Variants in KNTC1 observed in about 807,000 individuals in gnomAD.
KNTC1 encodes the protein kinetochore associated 1.
Under a neutral mutation model 314.4 loss-of-function variants are expected in KNTC1, and 253 were observed. The ratio of observed to expected loss-of-function variants is 0.80; its 90% CI spans 0.73 to 0.89. KNTC1 has a LOEUF of 0.89. Among genes scored for constraint, KNTC1 ranks in the 40% least tolerant of loss-of-function variants. The probability of loss-of-function intolerance (pLI) is 0.00; values close to 1 mark genes in which losing one functional copy is unlikely to be tolerated. For synonymous variants in KNTC1, 901 were observed against 901.4 expected, an observed-to-expected ratio of 1.00 and a Z score of 0.01; for missense variants, 2,475 against 2,572.9, an observed-to-expected ratio of 0.96 and a Z score of 0.82.
rs60404988 is a variant in KNTC1 at position 122,554,076 on chromosome 12, A to AATATATATATATATATATAT, written c.1272+2385_1272+2404dup. ...CAGAATACTTCCTTAAAAAAAAAAA[A>AATATATATATATATATATAT]ATATATATATATATATATATATATT... On this transcript the variant is annotated intron_variant, in intron 16 of 63. Transcript: ENST00000333479. 1.4e-3 allele frequency among the ~76,000 whole-genome samples: 155 copies of AATATATATATATATATATAT among 108,988 alleles called. 1 individual carries two copies. Among genetic ancestry groups the AATATATATATATATATATAT allele is most frequent in the African/African-American group, 5.7e-3 (146 of 25,652 alleles). 71.5% of individuals were successfully genotyped at this position (108,988 alleles called of 152,430 possible).
At position 122,547,969 on chromosome 12, in the gene KNTC1, G is replaced by T. The variant is rs769747766; in HGVS notation, c.987G>T (p.Lys329Asn). ...CTCTGACAGCTTCAGCTAATAAGAA[G>T]GTATTGGAAAATTTTATTTTGTGCT... is the stretch of plus-strand genomic sequence containing the variant. ...LIALTASANK[K>N]MKNLMVYSLP... is the part of the protein sequence containing the mutation. The change falls in exon 12 of 64, where the codon AAG (lysine) becomes AAT (asparagine). Residue 329 changes from lysine (K) to asparagine (N), a missense_variant and splice_region_variant. Coordinates refer to ENST00000333479, the MANE Select transcript of KNTC1 (RefSeq NM_014708.6). 8.4e-6 allele frequency: 13 copies of T among 1,539,072 alleles called. No individual in the cohort carries two copies. The highest frequency in any genetic ancestry group is 1.1e-5 in the Non-Finnish European group (13 of 1,145,322).
chr12:122,589,776 ATTTTTTTTTT>A (rs375169727), intron 40 of KNTC1, among the ~76,000 whole-genome samples: 7 of 94,590 alleles, frequency 7.4e-5, no homozygotes, highest in East Asian at 6.4e-4. Context: ...GGGCCCCCCA[ATTTTTTTTTT>A]TTTTTTTTTT....
intron 43 of KNTC1, 65 bp downstream of exon 43, chr12:122,594,450 C>G: frequency 1.1e-6 from 1 of 896,354 alleles, no homozygotes; most frequent in African/African-American, 1.7e-5. Context: ...TGCAAGAACA[C>G]AGTAATAACG....
chr12:122,541,967 A>T, intron 5 of KNTC1, 83 bp from the exon 6 acceptor site: 1 of 1,347,304 alleles, frequency 7.4e-7, no homozygotes, highest in Non-Finnish European at 9.8e-7. Flanking sequence ...GGGAGCCGAG[A>T]TCGCGCTGCT....
At chr12:122,598,173 A>G (rs1272481100) in intron 44 of KNTC1, among the ~76,000 whole-genome samples, 1 of 152,182 alleles carries the variant, frequency 6.6e-6, no homozygotes, top group Non-Finnish European at 1.5e-5. Context: ...CTTTGAATTT[A>G]TATGAGCTAG....
Position 122,529,997 on chromosome 12 carries a change from T to C in KNTC1, c.-67T>C, listed in dbSNP as rs1395671623. On this transcript the variant is annotated 5_prime_UTR_variant, in exon 2 of 64. It removes an upstream start codon present in the reference 5' UTR. Coordinates refer to ENST00000333479, the MANE Select transcript of KNTC1 (RefSeq NM_014708.6). ...CCAGGTTCTATGCAACAAGATAATA[T>C]GGTGTCTAATTTTATGTTGTTCAGG... 1 of 1,542,096 alleles carries C rather than the reference T, an allele frequency of 6.5e-7. No individual in the cohort carries two copies. The highest frequency in any genetic ancestry group is 8.8e-7 in the Non-Finnish European group (1 of 1,134,294).
In KNTC1 at chr12:122,579,943, G is replaced by A. The variant is rs1965294982; in HGVS notation, c.2880G>A (p.Val960=). The change falls in exon 32 of 64, where the codon GTG becomes GTA. Residue 960 remains valine (V), a synonymous_variant. Transcript: ENST00000333479. ...GAATGTCTGTAGCGAAGACATCCGTGGACATTCTTAAGATACTATGTGACA... is the reference window on the plus strand; with the variant it reads ...GAATGTCTGTAGCGAAGACATCCGTAGACATTCTTAAGATACTATGTGACA... ...AWRMSVAKTS[V]DILKILCDIQ... The A allele has an allele frequency of 6.2e-7, 1 of 1,610,720 alleles. No individual in the cohort carries two copies. The highest frequency in any genetic ancestry group is 8.5e-7 in the Non-Finnish European group (1 of 1,177,338).
chr12:122,557,601 A>G lies in KNTC1; in HGVS notation c.1400A>G (p.Asp467Gly). 1.9e-6 allele frequency: 3 copies of G among 1,613,146 alleles called. No homozygotes were observed. Among genetic ancestry groups the G allele is most frequent in the South Asian group, 1.1e-5 (1 of 90,932 alleles). Residue 467 changes from aspartate to glycine, a missense_variant and splice_region_variant, in exon 18 of 64, where the codon GAT becomes GGT. Asp to Gly is a moderately conservative substitution (Grantham distance 94, BLOSUM62 -1). Coordinates refer to ENST00000333479, the MANE Select transcript of KNTC1 (RefSeq NM_014708.6). The part of the protein sequence containing the change: ...DAKENLHKIQ[D>G]DEFVVNYCLK... ...CTGTGTCTGGCATTTGTGAAACAGG[A>G]TGATGAATTTGTGGTGAATTACTGC...
At chr12:122,542,950 T>A (rs1962460236) in intron 6 of KNTC1, among the ~76,000 whole-genome samples, 1 of 152,178 alleles carries the variant, frequency 6.6e-6, no homozygotes, top group Non-Finnish European at 1.5e-5. Context: ...TCTTGCTCTG[T>A]CGCCCAGGCT....
chr12:122,610,686 A>G (rs532819239), intron 52 of KNTC1, 136 bp from the exon 53 acceptor site: 1 of 609,540 alleles, frequency 1.6e-6, no homozygotes, highest in East Asian at 2.8e-5. Context: ...GGAAGCGCAA[A>G]TGTCATTGAC....
intron 1 of KNTC1, among the ~76,000 whole-genome samples, chr12:122,528,560 G>A (rs1325726209): frequency 6.6e-6 from 1 of 152,154 alleles, no homozygotes; most frequent in East Asian, 1.9e-4. Context: ...AAAACCAGAA[G>A]TGAAAAATAG....
intron 1 of KNTC1, among the ~76,000 whole-genome samples, chr12:122,529,072 G>C (rs1961089864): frequency 6.6e-6 from 1 of 152,102 alleles, no homozygotes; most frequent in Non-Finnish European, 1.5e-5. Flanking sequence ...TCAAACTCCT[G>C]ACCTCAGATA....
chr12:122,559,153 T>C (rs76663592), intron 18 of KNTC1, among the ~76,000 whole-genome samples: 20,964 of 151,834 alleles, frequency 0.14, 1,825 homozygotes, highest in African/African-American at 0.24. Context: ...TCGAGACCAT[T>C]GTGACGAACA....
At chr12:122,583,357 T>A (rs753258823) in intron 34 of KNTC1, among the ~76,000 whole-genome samples, 1 of 152,190 alleles carries the variant, frequency 6.6e-6, no homozygotes, top group Non-Finnish European at 1.5e-5. Context: ...CCAGTGACAC[T>A]CTTTTTTCAC....
chr12:122,541,279 G>GCCTT (rs1250793495), intron 5 of KNTC1, among the ~76,000 whole-genome samples: 3 of 102,430 alleles, frequency 2.9e-5, no homozygotes, highest in East Asian at 3.9e-4. Context: ...CTGCCTGCCT[G>GCCTT]CCTGCCTGCC....
rs1324485241 is a variant in KNTC1 at position 122,587,781 on chromosome 12, G to A, written c.3801G>A (p.Gln1267=). 2 of 1,613,672 alleles carry A rather than the reference G, an allele frequency of 1.2e-6. No individual in the cohort carries two copies. The highest frequency in any genetic ancestry group is 1.7e-6 in the Non-Finnish European group (2 of 1,179,758). The change falls in exon 39 of 64, where the codon CAG becomes CAA. Residue 1267 remains glutamine (Q), a synonymous_variant. Coordinates refer to ENST00000333479, the MANE Select transcript of KNTC1 (RefSeq NM_014708.6). ...TTCAGAATCTTCAGGAATCTAGCCA[G>A]TGGGAGCTAGCCCTAAGATTTGTGG... ...ALLQNLQESS[Q]WELALRFVVG...
chr12:122,557,233 C>T, intron 16 of KNTC1, 151 bp from the exon 17 acceptor site: 1 of 693,366 alleles, frequency 1.4e-6, no homozygotes. Flanking sequence ...TCTCAGATAT[C>T]TGAATGTTAC....
intron 32 of KNTC1, 124 bp downstream of exon 32, chr12:122,580,101 C>T (rs1303239166): frequency 6.1e-6 from 4 of 652,190 alleles, no homozygotes; most frequent in East Asian, 2.7e-5. Context: ...CTTTATTGAT[C>T]TTACCCATTT....
rs1336842675 is a variant in KNTC1 at position 122,615,451 on chromosome 12, T to C, written c.5974-19T>C. ...ATTTTGGTGGTCTTTAGAACTTTTT[T>C]ATTTTTAATTTTTTACAGATTCCTT... On this transcript the variant is annotated intron_variant, in intron 56 of 63. Transcript: ENST00000333479. 2.7e-6 allele frequency: 4 copies of C among 1,498,230 alleles called. No homozygotes were observed. The Admixed American group carries it at 9.4e-5, about 35-fold the overall frequency. The allele number at this position is 1,498,230 out of a possible 1,614,324, so 92.8% of individuals were successfully genotyped here. A position where few individuals can be genotyped will look rare whatever the true frequency, so the allele number is the denominator to read the frequency against.
Sources: allele counts gnomAD v4.1 joint callset (sites outside exome capture counted in the v4.1 genomes callset), GRCh38; gene constraint gnomAD v4.1.1; transcripts MANE v1.5; gene names NCBI Gene and HGNC (gene_info 2026-07-23, HGNC 2026-07-21).